KLHL23: variants seen among roughly 807,000 people sequenced by gnomAD.
KLHL23 encodes kelch like family member 23.
KLHL23 carries 33 observed loss-of-function variants against 48.9 expected under a neutral mutation model. The ratio of observed to expected loss-of-function variants is 0.67; its 90% CI spans 0.51 to 0.90. The LOEUF is 0.90. Ranked by LOEUF, KLHL23 falls within the 40% of genes least tolerant of loss-of-function variation. The pLI is 0.00. For synonymous variants in KLHL23, 234 were observed against 231.6 expected (o/e 1.01, Z -0.09); for missense variants, 608 against 669.6 (o/e 0.91, Z 1.02).
intron 2 of KLHL23, among the ~76,000 whole-genome samples, chr2:169,740,565 C>T (rs1222651467): frequency 2.0e-5 from 3 of 150,756 alleles, no homozygotes; most frequent in African/African-American, 7.3e-5. Context: ...TCTCCTGCCT[C>T]AGCCTCCCGA....
chr2:169,735,813 A>G lies in KLHL23; in HGVS notation c.799A>G (p.Ile267Val). Reference protein sequence around the residue: ...YNALNPMHKEISQRSTATMYI... With the variant: ...YNALNPMHKEVSQRSTATMYI... Reference sequence around the variant, plus strand: ...TGCCTTGAATCCCATGCATAAAGAGATTTCCCAGAGGTCCACAGCCACAAT... The same window carrying G: ...TGCCTTGAATCCCATGCATAAAGAGGTTTCCCAGAGGTCCACAGCCACAAT... The change falls in exon 2 of 4, where the codon ATT (isoleucine) becomes GTT (valine). Residue 267 changes from isoleucine (I) to valine (V), a missense_variant. Around this residue, in one of 3 missense-constraint regions of KLHL23, gnomAD observed 419 missense variants for 473.1 expected, o/e 0.89. Coordinates refer to ENST00000392647, the MANE Select transcript of KLHL23 (RefSeq NM_144711.6). This position sits in a 1 kb window ranked among gnomAD's most constrained non-coding sequence, Gnocchi z 4.5. The G allele has an allele frequency of 6.2e-7, 1 of 1,614,058 alleles. No individual in the cohort carries two copies. The highest frequency in any genetic ancestry group is 8.5e-7 in the Non-Finnish European group (1 of 1,180,028).
In KLHL23 at chr2:169,748,219, T is replaced by G. The variant is rs544243167; in HGVS notation, c.1367-1203T>G. Reference sequence around the variant, plus strand: ...TGGTAGAGACGCCTGCCTGGCCACTTCAGGCTGGGTGGTCAGGGAATGCCC... The same window carrying G: ...TGGTAGAGACGCCTGCCTGGCCACTGCAGGCTGGGTGGTCAGGGAATGCCC... On this transcript the variant is annotated intron_variant, in intron 3 of 3. Transcript: ENST00000392647. Among the ~76,000 whole-genome samples the G allele has an allele frequency of 2.2e-4, 33 of 152,302 alleles. No homozygotes were observed. In the South Asian group the frequency reaches 6.8e-3, roughly 32 times the overall value.
At chr2:169,744,058 G>A (rs1047923752) in intron 3 of KLHL23, among the ~76,000 whole-genome samples, 1 of 152,066 alleles carries the variant, frequency 6.6e-6, no homozygotes, top group Non-Finnish European at 1.5e-5. Context: ...GAAAACATGG[G>A]ACTATAGTTG....
At position 169,751,803 on chromosome 2, in the gene KLHL23, G is replaced by T. The variant is rs541184927; in HGVS notation, c.*2071G>T. 4 of 152,234 alleles carry T rather than the reference G, an allele frequency of 2.6e-5. No homozygotes were observed. The highest frequency in any genetic ancestry group is 7.2e-5 in the African/African-American group (3 of 41,560). 9.4% of individuals were successfully genotyped at this position (152,234 alleles called of 1,614,324 possible). ...CAAATTCATTGTGTTAGTGTAGCGGGATATGGAATGACTTTATTTATTTAA... is the reference window on the plus strand; with the variant it reads ...CAAATTCATTGTGTTAGTGTAGCGGTATATGGAATGACTTTATTTATTTAA... On this transcript the variant is annotated 3_prime_UTR_variant, in exon 4 of 4. Coordinates refer to ENST00000392647, the MANE Select transcript of KLHL23 (RefSeq NM_144711.6).
chr2:169,738,132 C>G (rs1688560839), intron 2 of KLHL23, among the ~76,000 whole-genome samples: 1 of 152,150 alleles, frequency 6.6e-6, no homozygotes, highest in African/African-American at 2.4e-5. Context: ...ACTTTGAACT[C>G]AAAGCTTTGA....
In KLHL23 at chr2:169,734,057, G is replaced by C. The variant is rs1334252370; in HGVS notation, c.-33G>C. 6.6e-6 allele frequency: 1 copy of C among 151,414 alleles called. No homozygotes were observed. Among genetic ancestry groups the C allele is most frequent in the Non-Finnish European group, 1.5e-5 (1 of 67,788 alleles). 9.4% of individuals were successfully genotyped at this position (151,414 alleles called of 1,614,324 possible). On this transcript the variant is annotated 5_prime_UTR_variant, in exon 1 of 4. Coordinates refer to ENST00000392647, the MANE Select transcript of KLHL23 (RefSeq NM_144711.6). Reference sequence around the variant, plus strand: ...GCTCCCGCTCGCTACTAGCCCGCGGGCCAGCGCCGCGTCCCGAGCCCCGGC... The same window carrying C: ...GCTCCCGCTCGCTACTAGCCCGCGGCCCAGCGCCGCGTCCCGAGCCCCGGC...
chr2:169,736,012 T>C lies in KLHL23; in HGVS notation c.998T>C (p.Ile333Thr), dbSNP rs373383730. The C allele has an allele frequency of 5.6e-6, 9 of 1,614,204 alleles. No individual in the cohort carries two copies. Among genetic ancestry groups the C allele is most frequent in the South Asian group, 2.2e-5 (2 of 91,088 alleles). The change falls in exon 2 of 4, where the codon ATA becomes ACA. Residue 333 changes from isoleucine (I) to threonine (T), a missense_variant. Coordinates refer to ENST00000392647, the MANE Select transcript of KLHL23 (RefSeq NM_144711.6). ...ACTGGGGGCTACAGGACGGATAACA[T>C]AGAAGCTCTTGACACAGTGTGGATC... ...YVTGGYRTDN[I>T]EALDTVWIYN... is the part of the protein sequence containing the mutation.
intron 2 of KLHL23, among the ~76,000 whole-genome samples, chr2:169,738,573 T>C (rs547784398): frequency 6.6e-6 from 1 of 152,276 alleles, no homozygotes; most frequent in African/African-American, 2.4e-5. Context: ...TGGACCCAAA[T>C]TAAGTTCACT....
Position 169,735,955 on chromosome 2 carries a change from G to A in KLHL23, c.941G>A (p.Gly314Asp). The change falls in exon 2 of 4, where the codon GGT becomes GAT. Residue 314 changes from glycine (G) to aspartate (D), a missense_variant. Around this residue, in one of 3 missense-constraint regions of KLHL23, gnomAD observed 419 missense variants for 473.1 expected, o/e 0.89. Transcript: ENST00000392647. The surrounding 1 kb of genome is among the most constrained non-coding windows in gnomAD (Gnocchi z 4.5). The stretch of plus-strand genomic sequence containing the variant: ...CCAGATTATACCAGGGAGAGCTATG[G>A]TGTTACATGTTTAGGACCCAACATT... Reference protein sequence around the residue: ...EIPDYTRESYGVTCLGPNIYV... With the variant: ...EIPDYTRESYDVTCLGPNIYV... 1 of 1,614,188 alleles carries A rather than the reference G, an allele frequency of 6.2e-7. No homozygotes were observed. The highest frequency in any genetic ancestry group is 8.5e-7 in the Non-Finnish European group (1 of 1,180,036).
chr2:169,749,787 AAAAG>A lies in KLHL23; in HGVS notation c.*58_*61del. 3.9e-6 allele frequency: 6 copies of A among 1,523,506 alleles called. No homozygotes were observed. In the South Asian group the frequency reaches 6.6e-5, roughly 17 times the overall value. The allele number at this position is 1,523,506 out of a possible 1,614,324, so 94.4% of individuals were successfully genotyped here. On this transcript the variant is annotated 3_prime_UTR_variant, in exon 4 of 4. Coordinates refer to ENST00000392647, the MANE Select transcript of KLHL23 (RefSeq NM_144711.6). ...CTTTTTTGGAGTATAGTTTTATAAA[AAAAG>A]AATGCAGGGTTTGAAGTTCCTTACC...
At chr2:169,734,950 C>A (rs1284067632) in intron 1 of KLHL23, 63 bp from the exon 2 acceptor site, 2 of 1,494,458 alleles carry the variant, frequency 1.3e-6, no homozygotes, top group East Asian at 4.7e-5. Flanking sequence ...AGTTATTTAG[C>A]GTTGATTATT....
At chr2:169,747,890 A>G (rs1211052803) in intron 3 of KLHL23, among the ~76,000 whole-genome samples, 1 of 152,116 alleles carries the variant, frequency 6.6e-6, no homozygotes. Flanking sequence ...TGAGAGGCTG[A>G]GGCAGAGGAG....
At chr2:169,745,896 G>T (rs1688785333) in intron 3 of KLHL23, among the ~76,000 whole-genome samples, 1 of 152,232 alleles carries the variant, frequency 6.6e-6, no homozygotes, top group Admixed American at 6.5e-5. Flanking sequence ...GAGCTGTCCA[G>T]CAGGCAAAGG....
intron 2 of KLHL23, among the ~76,000 whole-genome samples, chr2:169,738,011 T>C (rs980091878): frequency 1.1e-4 from 16 of 152,260 alleles, no homozygotes; most frequent in African/African-American, 1.9e-4. Context: ...GTGTATCTAC[T>C]GTGAAACAAA....
At chr2:169,743,720 T>C (rs1254747805) in intron 3 of KLHL23, among the ~76,000 whole-genome samples, 1 of 152,206 alleles carries the variant, frequency 6.6e-6, no homozygotes, top group East Asian at 1.9e-4. Flanking sequence ...GTGTGCTCCG[T>C]TTCACCACAG....
intron 2 of KLHL23, among the ~76,000 whole-genome samples, chr2:169,740,791 T>TATATATATATATATATATATA (rs1291405019): frequency 3.6e-4 from 51 of 140,176 alleles, no homozygotes; most frequent in African/African-American, 1.2e-3. Context: ...TATATATATA[T>TATATATATATATATATATATA]AACTTATTTA....
intron 3 of KLHL23, among the ~76,000 whole-genome samples, chr2:169,747,789 G>A (rs1214985298): frequency 6.6e-6 from 1 of 152,104 alleles, no homozygotes; most frequent in African/African-American, 2.4e-5. Context: ...TTAGGAATAG[G>A]TTAGTGAGCA....
rs751796340 is a variant in KLHL23 at position 169,735,661 on chromosome 2, T to C, written c.647T>C (p.Ile216Thr). The change falls in exon 2 of 4, where the codon ATT becomes ACT. Residue 216 changes from isoleucine (I) to threonine (T), a missense_variant. Ile to Thr is a moderately conservative substitution (Grantham distance 89). Coordinates refer to ENST00000392647, the MANE Select transcript of KLHL23 (RefSeq NM_144711.6). This position sits in a 1 kb window ranked among gnomAD's most constrained non-coding sequence, Gnocchi z 4.5. ...ACTGCTCATGATGTAGAAAATCGAATTGAATGCCTCTATAATCTACTGAGC... is the reference window on the plus strand; with the variant it reads ...ACTGCTCATGATGTAGAAAATCGAACTGAATGCCTCTATAATCTACTGAGC... ...KWTAHDVENR[I>T]ECLYNLLSYI... 6 of 1,613,928 alleles carry C rather than the reference T, an allele frequency of 3.7e-6. No homozygotes were observed. The East Asian group carries it at 1.3e-4, about 36-fold the overall frequency.
chr2:169,734,613 G>C (rs1005187610), intron 1 of KLHL23, among the ~76,000 whole-genome samples: 1 of 152,212 alleles, frequency 6.6e-6, no homozygotes, highest in South Asian at 2.1e-4. Flanking sequence ...ATTTGAAAGG[G>C]AGACGAGCTT....
Sources: allele counts gnomAD v4.1 joint callset (sites outside exome capture counted in the v4.1 genomes callset), GRCh38; gene constraint gnomAD v4.1.1; regional missense constraint gnomAD v4.1.1; non-coding constraint Gnocchi (gnomAD v3.1); transcripts MANE v1.5; gene names NCBI Gene and HGNC (gene_info 2026-07-23, HGNC 2026-07-21).